Variants in RAPGEF6 observed in about 807,000 individuals in gnomAD.
RAPGEF6 encodes the protein PDZ domain containing guanine nucleotide exchange factor (GEF) 2.
Under a neutral mutation model 171.4 loss-of-function variants are expected in RAPGEF6, and 56 were observed. The observed-to-expected ratio is 0.33, with a 90% CI of 0.26 to 0.41. The LOEUF is 0.41. Among genes scored for constraint, RAPGEF6 ranks in the 10% least tolerant of loss-of-function variants. The probability of loss-of-function intolerance (pLI) is 1.00; values close to 1 mark genes in which losing one functional copy is unlikely to be tolerated. For missense variants in RAPGEF6, 1,674 were observed against 1,921.4 expected, an observed-to-expected ratio of 0.87 and a Z score of 2.41; for synonymous variants, 692 against 650.1, an observed-to-expected ratio of 1.06 and a Z score of -0.98.
chr5:131,609,333 A>T (rs1032472885), intron 1 of RAPGEF6, among the ~76,000 whole-genome samples: 3 of 152,232 alleles, frequency 2.0e-5, no homozygotes, highest in Admixed American at 6.5e-5. Context: ...ATGTCTGGTC[A>T]GGGGTCTAGA....
At chr5:131,459,541 A>T (rs1247412349) in intron 19 of RAPGEF6, among the ~76,000 whole-genome samples, 1 of 152,202 alleles carries the variant, frequency 6.6e-6, no homozygotes, top group Admixed American at 6.5e-5. Context: ...TAATACATCT[A>T]CATAAAAATA....
chr5:131,622,476 A>G (rs1450173427), intron 1 of RAPGEF6, among the ~76,000 whole-genome samples: 2 of 152,274 alleles, frequency 1.3e-5, no homozygotes, highest in African/African-American at 4.8e-5. Context: ...AAATAAAAAC[A>G]GAATGAGCAA....
chr5:131,433,658 C>A lies in RAPGEF6; in HGVS notation c.3746G>T (p.Gly1249Val), dbSNP rs761065851. The change falls in exon 25 of 28, where the codon GGT becomes GTT. Residue 1249 changes from glycine to valine, a missense_variant and splice_region_variant. Gly to Val is a moderately radical substitution (Grantham distance 109, BLOSUM62 -3). This residue lies in a region of RAPGEF6 where 552 missense variants were observed against 574.2 expected (regional missense o/e 0.96). Transcript: ENST00000509018. ...TTTAGCTGATGGAATAAGTGTGTAA[C>A]CTGAACAAGAAAAGAGCACTGATCA... ...PASPQGSPHK[G>V]YTLIPSAKSD... The A allele has an allele frequency of 6.3e-7, 1 of 1,595,210 alleles. No individual in the cohort carries two copies. Among genetic ancestry groups the A allele is most frequent in the Middle Eastern group, 1.7e-4 (1 of 6,036 alleles).
chr5:131,616,702 G>A (rs1365537547), intron 1 of RAPGEF6, among the ~76,000 whole-genome samples: 5 of 151,936 alleles, frequency 3.3e-5, no homozygotes, highest in African/African-American at 4.8e-5. Flanking sequence ...GCACAATCAC[G>A]ACTCACTGCA....
At chr5:131,495,153 C>T (rs954442103) in intron 13 of RAPGEF6, among the ~76,000 whole-genome samples, 3 of 151,782 alleles carry the variant, frequency 2.0e-5, no homozygotes, top group East Asian at 1.9e-4. Flanking sequence ...CCTAGCTGGG[C>T]GTGGTGGTGC....
intron 4 of RAPGEF6, among the ~76,000 whole-genome samples, chr5:131,579,854 T>C (rs191990946): frequency 1.4e-4 from 21 of 152,308 alleles, no homozygotes; most frequent in African/African-American, 4.1e-4. Flanking sequence ...AGAGTGCTGA[T>C]TGGCGCATAT....
chr5:131,631,483 C>T (rs1422941064), intron 1 of RAPGEF6, among the ~76,000 whole-genome samples: 3 of 152,220 alleles, frequency 2.0e-5, no homozygotes, highest in Non-Finnish European at 4.4e-5. Flanking sequence ...GCTAACCCTA[C>T]AAAATATTTC....
intron 6 of RAPGEF6, among the ~76,000 whole-genome samples, chr5:131,534,671 A>T (rs1759643792): frequency 6.6e-6 from 1 of 150,462 alleles, no homozygotes; most frequent in Non-Finnish European, 1.5e-5. Flanking sequence ...TTGATACTTA[A>T]TATTGTACAT....
intron 25 of RAPGEF6, among the ~76,000 whole-genome samples, chr5:131,432,517 C>T (rs1054444197): frequency 8.5e-5 from 13 of 152,062 alleles, no homozygotes; most frequent in Admixed American, 8.5e-4. Flanking sequence ...ACTCGGGAGG[C>T]TGAGGCAGGA....
At chr5:131,607,772 T>G (rs1764697674) in intron 1 of RAPGEF6, among the ~76,000 whole-genome samples, 1 of 152,118 alleles carries the variant, frequency 6.6e-6, no homozygotes, top group South Asian at 2.1e-4. Context: ...GCCATTTCAG[T>G]GAAGTTTTTC....
intron 1 of RAPGEF6, among the ~76,000 whole-genome samples, chr5:131,624,150 G>C (rs1018293259): frequency 1.3e-5 from 2 of 152,166 alleles, no homozygotes; most frequent in Non-Finnish European, 2.9e-5. Flanking sequence ...AAGATACTTT[G>C]CTAATTATTT....
intron 1 of RAPGEF6, among the ~76,000 whole-genome samples, chr5:131,623,825 G>T (rs534943893): frequency 6.6e-5 from 10 of 152,200 alleles, no homozygotes; most frequent in Non-Finnish European, 8.8e-5. Context: ...CAAATATTTA[G>T]ATATCTACTA....
chr5:131,443,679 G>C (rs186208962), intron 22 of RAPGEF6, among the ~76,000 whole-genome samples: 32 of 152,260 alleles, frequency 2.1e-4, no homozygotes, highest in African/African-American at 7.5e-4. Flanking sequence ...CCCTTGACTT[G>C]ACTTGCTTAC....
intron 1 of RAPGEF6, among the ~76,000 whole-genome samples, chr5:131,630,332 AT>A (rs1766223523): frequency 6.6e-6 from 1 of 152,230 alleles, no homozygotes; most frequent in Non-Finnish European, 1.5e-5. Flanking sequence ...ACATAAGGCT[AT>A]CACACACAAT....
intron 22 of RAPGEF6, among the ~76,000 whole-genome samples, chr5:131,443,962 C>T (rs1000224937): frequency 3.8e-4 from 58 of 152,084 alleles, no homozygotes; most frequent in African/African-American, 1.4e-3. Context: ...AACTGAGAAC[C>T]CTTACTTATA....
rs1382212725 is a variant in RAPGEF6, at chr5:131,528,248, TAAATA to T, written c.496-6732_496-6728del. Reference sequence around the variant, plus strand: ...ATAATATATTTATATATCATATATATAAATAAAATAAAATAATATATTTATATTAT... The same window carrying T: ...ATAATATATTTATATATCATATATATAAATAAAATAATATATTTATATTAT... On this transcript the variant is annotated intron_variant, in intron 6 of 27. Coordinates refer to ENST00000509018, the MANE Select transcript of RAPGEF6 (RefSeq NM_016340.6). Among the ~76,000 whole-genome samples, 178 of 128,618 alleles carry T rather than the reference TAAATA, an allele frequency of 1.4e-3. 2 individuals are homozygous for T. Among genetic ancestry groups the T allele is most frequent in the African/African-American group, 4.5e-3 (149 of 33,298 alleles). 84.4% of individuals were successfully genotyped at this position (128,618 alleles called of 152,430 possible). A position where few individuals can be genotyped will look rare whatever the true frequency, so the allele number is the denominator to read the frequency against.
chr5:131,469,360 CTAA>C (rs1479501465), intron 17 of RAPGEF6, among the ~76,000 whole-genome samples: 2 of 151,768 alleles, frequency 1.3e-5, no homozygotes, highest in African/African-American at 2.4e-5. Context: ...TAATTAAAAA[CTAA>C]TAATAAAAAA....
At chr5:131,469,678 T>TA (rs1342974487) in intron 17 of RAPGEF6, 5 of 668,294 alleles carry the variant, frequency 7.5e-6, no homozygotes, top group African/African-American at 1.8e-5. Context: ...GGCTACCTTC[T>TA]AAGTGGAAAG....
At chr5:131,581,303 A>G (rs934186812) in intron 4 of RAPGEF6, among the ~76,000 whole-genome samples, 14 of 152,330 alleles carry the variant, frequency 9.2e-5, no homozygotes, top group South Asian at 2.1e-4. Flanking sequence ...AAACTCACTA[A>G]TCAGGCAACT....
Sources: gnomAD v4.1 joint callset for allele counts (sites outside exome capture counted in the v4.1 genomes callset) on GRCh38, gnomAD v4.1.1 for gene constraint, gnomAD v4.1.1 regional missense constraint, MANE v1.5 for transcripts, NCBI Gene and HGNC (gene_info 2026-07-23, HGNC 2026-07-21) for gene names.